The following SNX29 variants were observed in gnomAD, a reference collection of about 807,000 sequenced individuals.
SNX29 encodes sorting nexin 29.
In SNX29, 78 loss-of-function variants were observed where a neutral mutation model predicts 102.1. The ratio of observed to expected loss-of-function variants is 0.76; its 90% CI spans 0.64 to 0.92. The LOEUF is 0.92. SNX29 is among the 40% of genes least tolerant of loss of function. The probability of loss-of-function intolerance (pLI) is 0.00; values close to 1 mark genes in which losing one functional copy is unlikely to be tolerated. For missense variants in SNX29, 1,280 were observed against 1,061.7 expected (o/e 1.21, Z -2.86); for synonymous variants, 580 against 414.5 (o/e 1.40, Z -4.85).
chr16:12,414,924 T>A (rs1010542081), intron 18 of SNX29, among the ~76,000 whole-genome samples: 5 of 152,200 alleles, frequency 3.3e-5, no homozygotes, highest in Non-Finnish European at 5.9e-5. Flanking sequence ...GGTTTCACCA[T>A]GTTGGCTAGG....
intron 16 of SNX29, among the ~76,000 whole-genome samples, chr16:12,358,284 C>A (rs995595774): frequency 6.6e-6 from 1 of 152,150 alleles, no homozygotes; most frequent in Non-Finnish European, 1.5e-5. Flanking sequence ...CTGTTCCTGG[C>A]CCATAATTCC....
intron 3 of SNX29, among the ~76,000 whole-genome samples, chr16:12,006,287 G>A (rs1040681706): frequency 6.6e-6 from 1 of 151,586 alleles, no homozygotes; most frequent in Non-Finnish European, 1.5e-5. Flanking sequence ...AGGCTGAGGC[G>A]GAAGGATCAC....
chr16:11,991,486 A>G (rs387027), intron 1 of SNX29, among the ~76,000 whole-genome samples: 9 of 151,946 alleles, frequency 5.9e-5, no homozygotes, highest in African/African-American at 2.2e-4. Flanking sequence ...TATTACATTT[A>G]TTCATTTTAT....
intron 20 of SNX29, among the ~76,000 whole-genome samples, chr16:12,541,714 T>A (rs1052362832): frequency 6.6e-6 from 1 of 152,102 alleles, no homozygotes; most frequent in African/African-American, 2.4e-5. Context: ...GGTTCCTGAT[T>A]CCTGTCACCT....
chr16:12,048,044 C>T (rs2050156780), intron 6 of SNX29, among the ~76,000 whole-genome samples: 1 of 152,066 alleles, frequency 6.6e-6, no homozygotes, highest in South Asian at 2.1e-4. Flanking sequence ...TTACCTCCTC[C>T]CAGTTGACCT....
intron 11 of SNX29, among the ~76,000 whole-genome samples, chr16:12,110,169 C>G (rs1478365948): frequency 6.6e-6 from 1 of 152,158 alleles, no homozygotes; most frequent in Non-Finnish European, 1.5e-5. Flanking sequence ...GCTCACGTGT[C>G]TAAAGCTGCA....
chr16:12,254,103 G>A (rs1252464184), intron 14 of SNX29, among the ~76,000 whole-genome samples: 3 of 152,170 alleles, frequency 2.0e-5, no homozygotes, highest in Non-Finnish European at 4.4e-5. Context: ...GGCTTTGTGG[G>A]GGCCGAGCAG....
intron 14 of SNX29, among the ~76,000 whole-genome samples, chr16:12,203,297 T>G (rs1380354903): frequency 6.6e-6 from 1 of 152,080 alleles, no homozygotes; most frequent in African/African-American, 2.4e-5. Context: ...TCAGGTGGAC[T>G]GGTGGTATTG....
chr16:12,115,795 A>C (rs1305360303), intron 11 of SNX29, among the ~76,000 whole-genome samples: 1 of 152,158 alleles, frequency 6.6e-6, no homozygotes, highest in African/African-American at 2.4e-5. Flanking sequence ...TTTCTTTGTG[A>C]AACACATGTG....
intron 16 of SNX29, among the ~76,000 whole-genome samples, chr16:12,391,399 A>AG (rs1394879465): frequency 6.6e-6 from 1 of 152,242 alleles, no homozygotes; most frequent in Non-Finnish European, 1.5e-5. Context: ...CCTGTTCAGA[A>AG]GACAGTACTG....
At chr16:12,369,210 A>C (rs2082594367) in intron 16 of SNX29, among the ~76,000 whole-genome samples, 1 of 151,130 alleles carries the variant, frequency 6.6e-6, no homozygotes, top group Admixed American at 6.6e-5. Context: ...ATCTCGGCTC[A>C]CTACAACCTC....
intron 1 of SNX29, among the ~76,000 whole-genome samples, chr16:11,981,731 T>C (rs552370663): frequency 1.3e-5 from 2 of 152,264 alleles, no homozygotes; most frequent in East Asian, 1.9e-4. Context: ...CTAGGTAATA[T>C]ATATATACAA....
chr16:12,146,965 A>T (rs2055089704), intron 13 of SNX29, among the ~76,000 whole-genome samples: 1 of 152,212 alleles, frequency 6.6e-6, no homozygotes, highest in South Asian at 2.1e-4. Context: ...AGAGGAACAG[A>T]AGCTTGGTGG....
chr16:12,500,376 GA>G (rs2089056167), intron 19 of SNX29, among the ~76,000 whole-genome samples: 1 of 152,172 alleles, frequency 6.6e-6, no homozygotes, highest in African/African-American at 2.4e-5. Context: ...CCAGAAGGCG[GA>G]AATAACTGGC....
chr16:11,993,128 G>A (rs994773823), intron 1 of SNX29, among the ~76,000 whole-genome samples: 4 of 151,996 alleles, frequency 2.6e-5, no homozygotes, highest in Non-Finnish European at 4.4e-5. Context: ...TGGCGCCACC[G>A]TACTCCAGCT....
chr16:12,399,085 C>G (rs1032071017), intron 17 of SNX29, among the ~76,000 whole-genome samples: 13 of 152,146 alleles, frequency 8.5e-5, no homozygotes, highest in African/African-American at 1.2e-4. Flanking sequence ...GATAGAATCT[C>G]TGTCGCCCAG....
rs575597000 is a variant in SNX29, at chr16:12,197,720, TC to T, written c.1596-1879del. On this transcript the variant is annotated intron_variant, in intron 13 of 20. Coordinates refer to ENST00000566228, the MANE Select transcript of SNX29 (RefSeq NM_032167.5). ...GAAAGTGCAGACACCTGTGGAGGCA[TC>T]CATGACAGGCTTTGTCTAGGACGAG... 3.2e-3 allele frequency among the ~76,000 whole-genome samples: 490 copies of T among 152,352 alleles called. 3 individuals are homozygous for T. The highest frequency in any genetic ancestry group is 0.011 in the African/African-American group (468 of 41,586).
chr16:12,267,829 G>A (rs1229267828), intron 14 of SNX29, among the ~76,000 whole-genome samples: 1 of 152,002 alleles, frequency 6.6e-6, no homozygotes, highest in Non-Finnish European at 1.5e-5. Flanking sequence ...TCCAATCATC[G>A]CACTTCTTCT....
chr16:12,518,208 C>T lies in SNX29; in HGVS notation c.2179-6494C>T, dbSNP rs568495344. On this transcript the variant is annotated intron_variant, in intron 19 of 20. Coordinates refer to ENST00000566228, the MANE Select transcript of SNX29 (RefSeq NM_032167.5). ...CTAAGCTTCCTACACCCTACTGTCC[C>T]CCAGCATTGCTTCTCAGTGTTGATC... is the stretch of plus-strand genomic sequence containing the variant. Among the ~76,000 whole-genome samples the T allele has an allele frequency of 2.4e-3, 368 of 152,250 alleles. 2 individuals carry two copies. Among genetic ancestry groups the T allele is most frequent in the Middle Eastern group, 6.8e-3 (2 of 294 alleles).
Sources: allele counts gnomAD v4.1 joint callset (sites outside exome capture counted in the v4.1 genomes callset), GRCh38; gene constraint gnomAD v4.1.1; transcripts MANE v1.5; gene names NCBI Gene and HGNC (gene_info 2026-07-23, HGNC 2026-07-21).